The following RIMKLA variants were observed in gnomAD, a reference collection of about 807,000 sequenced individuals.
The protein encoded by RIMKLA is ribosomal modification protein rimK like family member A, also known as N-acetylaspartylglutamate synthase A.
Under a neutral mutation model 32.7 loss-of-function variants are expected in RIMKLA, and 14 were observed. The ratio of observed to expected loss-of-function variants is 0.43; its 90% CI spans 0.28 to 0.67. The LOEUF (loss-of-function observed/expected upper bound fraction) is 0.67. Ranked by LOEUF, RIMKLA falls within the 30% of genes least tolerant of loss-of-function variation. The pLI is 0.18. For missense variants in RIMKLA, 410 were observed against 519.0 expected, an observed-to-expected ratio of 0.79 and a Z score of 2.04; for synonymous variants, 176 against 204.1, an observed-to-expected ratio of 0.86 and a Z score of 1.18.
chr1:42,384,461 G>A (rs1465338124), intron 1 of RIMKLA, among the ~76,000 whole-genome samples: 2 of 147,176 alleles, frequency 1.4e-5, no homozygotes, highest in East Asian at 3.9e-4. Flanking sequence ...TAATAATAAT[G>A]GTCATAGCCA....
Position 42,381,059 on chromosome 1 carries a change from T to C in RIMKLA, c.125T>C (p.Met42Thr). ...GACGTGCGCTTCCGGGCGGTGCTTA[T>C]GGACCAGATCGCCGTCACCATCGTC... ...EQDVRFRAVLMDQIAVTIVGG... is the reference protein window; with the variant it reads ...EQDVRFRAVLTDQIAVTIVGG... Residue 42 changes from methionine to threonine, a missense_variant, in exon 1 of 5, where the codon ATG becomes ACG. Physicochemically the swap from Met to Thr is moderately conservative, Grantham distance 81 (BLOSUM62 -1). Coordinates refer to ENST00000431473, the MANE Select transcript of RIMKLA (RefSeq NM_173642.4). 3 of 1,312,908 alleles carry C rather than the reference T, an allele frequency of 2.3e-6. No individual in the cohort carries two copies. Among genetic ancestry groups the C allele is most frequent in the Non-Finnish European group, 2.9e-6 (3 of 1,026,252 alleles). 81.3% of individuals were successfully genotyped at this position (1,312,908 alleles called of 1,614,324 possible). A position where few individuals can be genotyped will look rare whatever the true frequency, so the allele number is the denominator to read the frequency against.
intron 3 of RIMKLA, among the ~76,000 whole-genome samples, chr1:42,405,006 A>G (rs1413715410): frequency 3.3e-5 from 5 of 152,198 alleles, no homozygotes; most frequent in African/African-American, 7.2e-5. Flanking sequence ...CTTCCCTTGC[A>G]GCTGTCTCTG....
At chr1:42,386,600 G>T (rs970799325) in intron 1 of RIMKLA, among the ~76,000 whole-genome samples, 2 of 151,402 alleles carry the variant, frequency 1.3e-5, no homozygotes, top group African/African-American at 2.4e-5. Flanking sequence ...AATTGGGGGG[G>T]TGCTGTGGCA....
intron 1 of RIMKLA, among the ~76,000 whole-genome samples, chr1:42,387,741 A>G (rs183428585): frequency 2.6e-5 from 4 of 152,284 alleles, no homozygotes. Flanking sequence ...TGTATAAAGT[A>G]CTGTTTCTAG....
intron 1 of RIMKLA, among the ~76,000 whole-genome samples, chr1:42,393,993 C>T (rs1643020924): frequency 6.6e-6 from 1 of 152,228 alleles, no homozygotes; most frequent in South Asian, 2.1e-4. Context: ...TCATGTTGGC[C>T]AGCCTGGTCT....
intron 3 of RIMKLA, among the ~76,000 whole-genome samples, chr1:42,405,199 C>T (rs943227563): frequency 5.9e-5 from 9 of 152,228 alleles, no homozygotes; most frequent in Non-Finnish European, 1.2e-4. Flanking sequence ...TTCTTTTCTG[C>T]ACACATTCCC....
intron 1 of RIMKLA, among the ~76,000 whole-genome samples, chr1:42,384,469 C>A (rs1642916698): frequency 6.9e-6 from 1 of 144,498 alleles, no homozygotes; most frequent in Non-Finnish European, 1.5e-5. Context: ...ATGGTCATAG[C>A]CATATATGTG....
intron 1 of RIMKLA, among the ~76,000 whole-genome samples, chr1:42,388,339 G>A (rs905796830): frequency 6.6e-6 from 1 of 151,994 alleles, no homozygotes; most frequent in Non-Finnish European, 1.5e-5. Flanking sequence ...CTAGTAGCTT[G>A]GATTACAAGC....
intron 1 of RIMKLA, among the ~76,000 whole-genome samples, chr1:42,393,440 G>A (rs963891273): frequency 6.6e-5 from 10 of 152,164 alleles, no homozygotes; most frequent in South Asian, 2.1e-4. Context: ...GTGTGTCTGA[G>A]TCATACCAAC....
chr1:42,402,060 A>G (rs1419687280), intron 2 of RIMKLA, among the ~76,000 whole-genome samples: 3 of 152,176 alleles, frequency 2.0e-5, no homozygotes, highest in Non-Finnish European at 4.4e-5. Flanking sequence ...CCTTCTTACA[A>G]AACATCCTCT....
intron 1 of RIMKLA, among the ~76,000 whole-genome samples, chr1:42,390,769 A>C (rs1444720139): frequency 6.6e-6 from 1 of 152,210 alleles, no homozygotes; most frequent in African/African-American, 2.4e-5. Flanking sequence ...CCAGACATTA[A>C]GGGTGCCCAT....
chr1:42,383,420 G>A (rs148224619), intron 1 of RIMKLA, among the ~76,000 whole-genome samples: 1 of 152,218 alleles, frequency 6.6e-6, no homozygotes, highest in Non-Finnish European at 1.5e-5. Context: ...TGTTGGCTTT[G>A]TTCAGTGCTA....
intron 4 of RIMKLA, chr1:42,412,493 C>G (rs1643206748): frequency 2.4e-6 from 1 of 413,728 alleles, no homozygotes; most frequent in Non-Finnish European, 4.7e-6. Flanking sequence ...GTTGTCAGTA[C>G]AGTGAAACCA....
intron 4 of RIMKLA, 114 bp from the exon 5 acceptor site, chr1:42,414,370 T>A: frequency 9.2e-7 from 1 of 1,092,290 alleles, no homozygotes; most frequent in Non-Finnish European, 1.3e-6. Flanking sequence ...AGACCTTTTG[T>A]GATTAATGAT....
At chr1:42,392,389 T>G (rs772337105) in intron 1 of RIMKLA, among the ~76,000 whole-genome samples, 4 of 152,194 alleles carry the variant, frequency 2.6e-5, no homozygotes, top group Non-Finnish European at 2.9e-5. Flanking sequence ...GTGTTGTCTG[T>G]CTTCTTAAAT....
At chr1:42,405,701 C>T (rs1643138282) in intron 3 of RIMKLA, among the ~76,000 whole-genome samples, 1 of 152,180 alleles carries the variant, frequency 6.6e-6, no homozygotes, top group Non-Finnish European at 1.5e-5. Context: ...TCTCGAGGCG[C>T]TCAAATGTGT....
At chr1:42,396,634 A>T (rs1643050658) in intron 1 of RIMKLA, 1 of 152,132 alleles carries the variant, frequency 6.6e-6, no homozygotes, top group South Asian at 2.1e-4. Context: ...CTGTGGTCTC[A>T]TGTTGGGATT....
Position 42,404,549 on chromosome 1 carries a change from G to A in RIMKLA, c.433G>A (p.Glu145Lys). The A allele has an allele frequency of 1.2e-6, 2 of 1,613,750 alleles. No homozygotes were observed. The highest frequency in any genetic ancestry group is 1.7e-6 in the Non-Finnish European group (2 of 1,179,874). ...EDFSKMIDEA[E>K]PLGYPVVVKS... ...CTTTTCAAAAATGATTGATGAAGCT[G>A]AGCCCCTGGGCTACCCAGTCGTGGT... Residue 145 changes from glutamate (E) to lysine (K), a missense_variant, in exon 3 of 5, where the codon GAG becomes AAG. By Grantham distance (56) the Glu-to-Lys change is moderately conservative. Coordinates refer to ENST00000431473, the MANE Select transcript of RIMKLA (RefSeq NM_173642.4).
intron 1 of RIMKLA, among the ~76,000 whole-genome samples, chr1:42,386,759 C>A (rs1642951831): frequency 6.6e-6 from 1 of 151,396 alleles, no homozygotes; most frequent in African/African-American, 2.4e-5. Flanking sequence ...GTGGCATGCA[C>A]CTGTAAATCC....
Sources: allele counts gnomAD v4.1 joint callset (sites outside exome capture counted in the v4.1 genomes callset), GRCh38; gene constraint gnomAD v4.1.1; transcripts MANE v1.5; gene names NCBI Gene and HGNC (gene_info 2026-07-23, HGNC 2026-07-21).